Variants in CTCF observed in about 807,000 individuals in gnomAD.
CTCF encodes transcriptional repressor CTCF.
Under a neutral mutation model 72.3 loss-of-function variants are expected in CTCF, and 7 were observed. That is an observed-to-expected ratio of 0.10 (90% CI 0.06 to 0.18). CTCF has a LOEUF of 0.18. Among genes scored for constraint, CTCF ranks in the 10% least tolerant of loss-of-function variants. The probability of loss-of-function intolerance (pLI) is 1.00; values close to 1 mark genes in which losing one functional copy is unlikely to be tolerated. For synonymous variants in CTCF, 374 were observed against 315.8 expected, an observed-to-expected ratio of 1.18 and a Z score of -1.95; for missense variants, 516 against 949.1, an observed-to-expected ratio of 0.54 and a Z score of 6.00.
At position 67,633,013 on chromosome 16, in the gene CTCF, A is replaced by G. The variant is rs537411897; in HGVS notation, c.1837+3480A>G. 3.9e-5 allele frequency among the ~76,000 whole-genome samples: 6 copies of G among 152,316 alleles called. No homozygotes were observed. The South Asian group carries it at 1.2e-3, about 32-fold the overall frequency. The stretch of plus-strand genomic sequence containing the variant: ...TGCCTGCAGATGTGGGCGCCAGAAC[A>G]GCCCCAGACTGAGGGCAGAGGTTTG... On this transcript the variant is annotated intron_variant, in intron 10 of 11. Transcript: ENST00000264010.
chr16:67,633,812 A>ACACACT (rs1555536511), intron 10 of CTCF, among the ~76,000 whole-genome samples: 2 of 151,168 alleles, frequency 1.3e-5, no homozygotes. Context: ...ACACACACAC[A>ACACACT]CACTCTCACT....
chr16:67,633,605 C>T (rs971118121), intron 10 of CTCF, among the ~76,000 whole-genome samples: 2 of 152,104 alleles, frequency 1.3e-5, no homozygotes, highest in Non-Finnish European at 1.5e-5. Flanking sequence ...TAGGACCTCA[C>T]AATGCGTAAG....
At chr16:67,565,149 G>A (rs1016440374) in intron 1 of CTCF, among the ~76,000 whole-genome samples, 1 of 151,818 alleles carries the variant, frequency 6.6e-6, no homozygotes, top group Non-Finnish European at 1.5e-5. Flanking sequence ...TTACAGGCCC[G>A]TGCCACCACG....
At chr16:67,590,596 C>G (rs2051728845) in intron 2 of CTCF, among the ~76,000 whole-genome samples, 1 of 151,844 alleles carries the variant, frequency 6.6e-6, no homozygotes, top group Admixed American at 6.6e-5. Flanking sequence ...CTCGGCCTCC[C>G]AAAGTGCTGG....
chr16:67,631,796 G>C, intron 10 of CTCF, among the ~76,000 whole-genome samples: 1 of 149,546 alleles, frequency 6.7e-6, no homozygotes, highest in Non-Finnish European at 1.5e-5. Flanking sequence ...TTTGCAGCTG[G>C]TCATGGTGGC....
At chr16:67,568,705 T>C (rs1228468496) in intron 1 of CTCF, among the ~76,000 whole-genome samples, 2 of 151,440 alleles carry the variant, frequency 1.3e-5, no homozygotes, top group South Asian at 4.2e-4. Flanking sequence ...AATTTTTATG[T>C]ATTTTGTAGA....
At chr16:67,588,223 CA>C (rs1307877270) in intron 2 of CTCF, among the ~76,000 whole-genome samples, 1 of 152,122 alleles carries the variant, frequency 6.6e-6, no homozygotes, top group East Asian at 1.9e-4. Context: ...AGCATCTGTC[CA>C]AAATTCATAA....
At chr16:67,590,627 G>A (rs894968278) in intron 2 of CTCF, among the ~76,000 whole-genome samples, 5 of 150,240 alleles carry the variant, frequency 3.3e-5, no homozygotes, top group Admixed American at 6.7e-5. Context: ...GTGAGCCACC[G>A]TGCCCGGCCC....
chr16:67,636,947 C>A (rs1184848153), intron 11 of CTCF, 96 bp downstream of exon 11: 7 of 1,166,922 alleles, frequency 6.0e-6, no homozygotes, highest in Non-Finnish European at 8.1e-6. Flanking sequence ...GGGAACTAAG[C>A]CATGAGAACA....
At chr16:67,587,698 A>G (rs1386481923) in intron 2 of CTCF, among the ~76,000 whole-genome samples, 1 of 152,094 alleles carries the variant, frequency 6.6e-6, no homozygotes, top group African/African-American at 2.4e-5. Flanking sequence ...CAGAGGCAGG[A>G]GGATAGCTTG....
At chr16:67,582,997 T>G (rs903962470) in intron 2 of CTCF, among the ~76,000 whole-genome samples, 148 of 151,578 alleles carry the variant, frequency 9.8e-4, no homozygotes, top group African/African-American at 3.1e-3. Flanking sequence ...TTTTTTTTTT[T>G]TGAGACGGAG....
chr16:67,580,510 T>A (rs1302788952), intron 2 of CTCF, among the ~76,000 whole-genome samples: 1 of 151,836 alleles, frequency 6.6e-6, no homozygotes, highest in Non-Finnish European at 1.5e-5. Flanking sequence ...CAGCTTAGTT[T>A]TTTAATTATT....
chr16:67,624,066 TA>T (rs1421576456), intron 7 of CTCF, among the ~76,000 whole-genome samples: 4 of 106,854 alleles, frequency 3.7e-5, no homozygotes, highest in Admixed American at 1.0e-4. Flanking sequence ...AAAAAAAAAT[TA>T]TATATGTGTG....
At chr16:67,624,113 G>GTATATATA (rs1224496171) in intron 7 of CTCF, among the ~76,000 whole-genome samples, 8 of 132,574 alleles carry the variant, frequency 6.0e-5, no homozygotes, top group Non-Finnish European at 1.3e-4. Context: ...GTGTGTGTGT[G>GTATATATA]TGTATGTGTG....
At chr16:67,612,308 T>A in intron 4 of CTCF, 187 bp downstream of exon 4, 1 of 485,146 alleles carries the variant, frequency 2.1e-6, no homozygotes, top group South Asian at 4.0e-5. Flanking sequence ...TAAAGAAAAT[T>A]TAATGAAAAA....
Position 67,574,650 on chromosome 16 carries a change from C to CTTT in CTCF, c.-10+3410_-10+3412dup, listed in dbSNP as rs1162960134. On this transcript the variant is annotated intron_variant, in intron 2 of 11. Transcript: ENST00000264010. ...AACCACCACGCCCAGCCAAAAGCAT[C>CTTT]TTTTTTTTTTTTTTTTTTTTTTTTT... 5.3e-4 allele frequency among the ~76,000 whole-genome samples: 51 copies of CTTT among 97,002 alleles called. 1 individual carries two copies. The highest frequency in any genetic ancestry group is 1.6e-3 in the African/African-American group (37 of 22,580). The allele number at this position is 97,002 out of a possible 152,430, so 63.6% of individuals were successfully genotyped here.
At chr16:67,590,412 C>T (rs1313687803) in intron 2 of CTCF, among the ~76,000 whole-genome samples, 2 of 151,030 alleles carry the variant, frequency 1.3e-5, no homozygotes, top group Admixed American at 6.6e-5. Context: ...ATGCTCTTAA[C>T]TTTTTTTTTA....
chr16:67,634,537 T>TTA (rs60863479), intron 10 of CTCF, among the ~76,000 whole-genome samples: 1 of 148,332 alleles, frequency 6.7e-6, no homozygotes, highest in African/African-American at 2.5e-5. Flanking sequence ...TTTTTTTTTT[T>TTA]ACACAGGATC....
At chr16:67,602,790 G>A (rs995988156) in intron 2 of CTCF, among the ~76,000 whole-genome samples, 5 of 146,664 alleles carry the variant, frequency 3.4e-5, no homozygotes, top group Non-Finnish European at 7.4e-5. Flanking sequence ...GTGTTCAGCC[G>A]AGATTGCGCC....
Sources: gnomAD v4.1 joint callset for allele counts (sites outside exome capture counted in the v4.1 genomes callset) on GRCh38, gnomAD v4.1.1 for gene constraint, MANE v1.5 for transcripts, NCBI Gene and HGNC (gene_info 2026-07-23, HGNC 2026-07-21) for gene names.